The following MCHR2 variants were observed in gnomAD, a reference collection of about 807,000 sequenced individuals.
MCHR2 encodes melanin-concentrating hormone receptor 2.
MCHR2 carries 15 observed loss-of-function variants against 24.8 expected under a neutral mutation model. The observed-to-expected ratio is 0.60, with a 90% confidence interval of 0.40 to 0.93. The LOEUF (loss-of-function observed/expected upper bound fraction) is 0.93, where lower values mean the gene tolerates loss of function less well. MCHR2 is among the 40% of genes least tolerant of loss of function. The pLI is 0.00. For synonymous variants in MCHR2, 151 were observed against 147.6 expected (o/e 1.02, Z -0.17); for missense variants, 386 against 408.7 (o/e 0.94, Z 0.48).
intron 1 of MCHR2, among the ~76,000 whole-genome samples, chr6:99,975,403 G>A (rs536824260): frequency 2.6e-5 from 4 of 152,294 alleles, no homozygotes; most frequent in East Asian, 1.9e-4. Flanking sequence ...CTGGTGTCCC[G>A]TTTTTTAAGC....
intron 5 of MCHR2, among the ~76,000 whole-genome samples, chr6:99,931,227 G>C (rs1411305708): frequency 6.6e-6 from 1 of 152,188 alleles, no homozygotes; most frequent in Non-Finnish European, 1.5e-5. Flanking sequence ...CTGGCCATGT[G>C]AGGTGTCAGT....
At chr6:99,933,832 A>T (rs537204268) in intron 5 of MCHR2, among the ~76,000 whole-genome samples, 14 of 152,244 alleles carry the variant, frequency 9.2e-5, no homozygotes, top group African/African-American at 3.4e-4. Context: ...ACACAATCTC[A>T]AGGTGAAAAT....
chr6:99,940,013 G>A (rs1404124924), intron 4 of MCHR2, among the ~76,000 whole-genome samples: 2 of 151,026 alleles, frequency 1.3e-5, no homozygotes, highest in Non-Finnish European at 2.9e-5. Flanking sequence ...TGATTTTAGA[G>A]TTCTATCTTT....
intron 5 of MCHR2, among the ~76,000 whole-genome samples, chr6:99,933,859 T>C (rs1221872761): frequency 6.6e-6 from 1 of 152,132 alleles, no homozygotes; most frequent in Non-Finnish European, 1.5e-5. Flanking sequence ...GATTTATTTA[T>C]GCAGCTTTAG....
chr6:99,924,883 G>A (rs754224472), intron 5 of MCHR2, among the ~76,000 whole-genome samples: 3 of 152,062 alleles, frequency 2.0e-5, no homozygotes, highest in Non-Finnish European at 4.4e-5. Flanking sequence ...GATGTCATTG[G>A]ATGAGATGTC....
chr6:99,948,459 C>CAGGT (rs1774914244), intron 2 of MCHR2, among the ~76,000 whole-genome samples: 1 of 152,056 alleles, frequency 6.6e-6, no homozygotes, highest in Admixed American at 6.6e-5. Flanking sequence ...ACCAGCTTTC[C>CAGGT]AGGTATGGGA....
chr6:99,921,162 A>T lies in MCHR2; in HGVS notation c.801T>A (p.Tyr267Ter), dbSNP rs745361856. ...VVVFILSAAP[Y>*]HVIQLVNLQM... is the part of the protein sequence containing the mutation. ...GTAAGTTCACCAGTTGTATCACATG[A>T]TAAGGGGCAGCACTCAGGATAAAGA... The change falls in exon 6 of 6, where the codon TAT becomes TAA. Residue 267 changes from tyrosine (Y) to a stop codon, truncating the protein, a stop_gained. Transcript: ENST00000281806. LOFTEE classifies it low-confidence loss of function (END_TRUNC). 3.7e-6 allele frequency: 6 copies of T among 1,614,058 alleles called. No individual in the cohort carries two copies. The African/African-American group carries it at 6.7e-5, about 18-fold the overall frequency.
At chr6:99,928,147 T>C (rs551861312) in intron 5 of MCHR2, among the ~76,000 whole-genome samples, 14 of 152,362 alleles carry the variant, frequency 9.2e-5, no homozygotes, top group Non-Finnish European at 1.8e-4. Context: ...CTTTATGGAT[T>C]TGCATATATT....
intron 1 of MCHR2, among the ~76,000 whole-genome samples, chr6:99,970,441 A>T (rs1169982465): frequency 1.3e-5 from 2 of 151,856 alleles, no homozygotes; most frequent in African/African-American, 2.4e-5. Flanking sequence ...TTTTGAGTTC[A>T]TTGTAGATTC....
intron 1 of MCHR2, among the ~76,000 whole-genome samples, chr6:99,976,486 C>A (rs117336722): frequency 6.6e-6 from 1 of 152,208 alleles, no homozygotes; most frequent in Admixed American, 6.5e-5. Flanking sequence ...TGTGAAGGAG[C>A]AGAACTGCTG....
chr6:99,967,964 T>A (rs12195133), intron 1 of MCHR2, among the ~76,000 whole-genome samples: 2 of 152,204 alleles, frequency 1.3e-5, no homozygotes, highest in Non-Finnish European at 2.9e-5. Flanking sequence ...TAGTAATCTC[T>A]CTTAGTCTCA....
intron 5 of MCHR2, among the ~76,000 whole-genome samples, chr6:99,927,103 C>T (rs894666106): frequency 1.3e-5 from 2 of 152,064 alleles, no homozygotes; most frequent in Non-Finnish European, 2.9e-5. Context: ...ATCCTTTCCC[C>T]ATTGCTTGTT....
chr6:99,926,848 C>A (rs1181588894), intron 5 of MCHR2, among the ~76,000 whole-genome samples: 2 of 152,174 alleles, frequency 1.3e-5, no homozygotes, highest in African/African-American at 4.8e-5. Context: ...TAATTAGACT[C>A]CATTTGTCAA....
chr6:99,979,559 A>C (rs949884188), intron 1 of MCHR2, among the ~76,000 whole-genome samples: 2 of 152,230 alleles, frequency 1.3e-5, no homozygotes, highest in Non-Finnish European at 2.9e-5. Flanking sequence ...TATTGATTGC[A>C]CATGGAAATA....
At chr6:99,941,982 T>A (rs1181525284) in intron 4 of MCHR2, among the ~76,000 whole-genome samples, 1 of 152,154 alleles carries the variant, frequency 6.6e-6, no homozygotes, top group Non-Finnish European at 1.5e-5. Flanking sequence ...CAGACTGACT[T>A]GAGATAGCAT....
Position 99,953,458 on chromosome 6 carries a change from GA to G in MCHR2, c.182+2507del, listed in dbSNP as rs139581896. On this transcript the variant is annotated intron_variant, in intron 2 of 5. Transcript: ENST00000281806. ...CCAACAGGCAAATGGGAGTGAGCTAGAAACATTCTCAAGTCTGTGGCTATTA... is the reference window on the plus strand; with the variant it reads ...CCAACAGGCAAATGGGAGTGAGCTAGAACATTCTCAAGTCTGTGGCTATTA... Among the ~76,000 whole-genome samples, 1,195 of 152,178 alleles carry G rather than the reference GA, an allele frequency of 7.9e-3. 15 individuals carry two copies. The highest frequency in any genetic ancestry group is 0.027 in the African/African-American group (1,136 of 41,534).
intron 5 of MCHR2, among the ~76,000 whole-genome samples, chr6:99,927,554 C>A (rs188776371): frequency 2.2e-4 from 34 of 152,192 alleles, no homozygotes; most frequent in African/African-American, 8.2e-4. Flanking sequence ...TCCTTCGCGT[C>A]CCTTGTAAGT....
At chr6:99,989,664 CTT>C (rs1437788377) in intron 1 of MCHR2, among the ~76,000 whole-genome samples, 1 of 152,062 alleles carries the variant, frequency 6.6e-6, no homozygotes, top group Admixed American at 6.6e-5. Context: ...GCTACATAGA[CTT>C]TGCTTAATAA....
chr6:99,989,544 G>C (rs1275714449), intron 1 of MCHR2, among the ~76,000 whole-genome samples: 2 of 152,098 alleles, frequency 1.3e-5, no homozygotes, highest in African/African-American at 4.8e-5. Flanking sequence ...GTTTTGTCAG[G>C]CTCTAAAACT....
Sources: allele counts gnomAD v4.1 joint callset (sites outside exome capture counted in the v4.1 genomes callset), GRCh38; gene constraint gnomAD v4.1.1; transcripts MANE v1.5; gene names NCBI Gene and HGNC (gene_info 2026-07-23, HGNC 2026-07-21).